ANKHD1: variants seen among roughly 807,000 people sequenced by gnomAD.
The protein encoded by ANKHD1 is ankyrin repeat and KH domain-containing protein 1.
In ANKHD1, 31 loss-of-function variants were observed where a neutral mutation model predicts 230.5. The ratio of observed to expected loss-of-function variants is 0.13; its 90% confidence interval spans 0.10 to 0.18. The LOEUF is 0.18. ANKHD1 is among the 10% of genes least tolerant of loss of function. The pLI is 1.00. For missense variants in ANKHD1, 2,256 were observed against 3,071.3 expected, an observed-to-expected ratio of 0.73 and a Z score of 6.27; for synonymous variants, 1,074 against 1,117.6, an observed-to-expected ratio of 0.96 and a Z score of 0.78.
chr5:140,502,690 T>C (rs1752358354), intron 15 of ANKHD1, among the ~76,000 whole-genome samples: 1 of 152,142 alleles, frequency 6.6e-6, no homozygotes, highest in Non-Finnish European at 1.5e-5. Flanking sequence ...TTTCCAAACA[T>C]ATCAGCTATT....
At chr5:140,476,882 A>G (rs1327752647) in intron 10 of ANKHD1, among the ~76,000 whole-genome samples, 3 of 152,174 alleles carry the variant, frequency 2.0e-5, no homozygotes, top group African/African-American at 7.2e-5. Context: ...AATCAGAAGG[A>G]TGTGTTAGAG....
intron 24 of ANKHD1, among the ~76,000 whole-genome samples, chr5:140,515,424 C>T (rs1040527564): frequency 6.6e-6 from 1 of 152,042 alleles, no homozygotes; most frequent in Non-Finnish European, 1.5e-5. Context: ...TATTAGATTC[C>T]CAATTAAAGA....
intron 5 of ANKHD1, among the ~76,000 whole-genome samples, chr5:140,445,123 G>A (rs1301673150): frequency 6.6e-6 from 1 of 151,376 alleles, no homozygotes; most frequent in African/African-American, 2.4e-5. Context: ...GCCTCCCAAA[G>A]TGCTGGGATT....
At chr5:140,434,099 T>G (rs544934791) in intron 1 of ANKHD1, among the ~76,000 whole-genome samples, 157 of 152,306 alleles carry the variant, frequency 1.0e-3, no homozygotes, top group Middle Eastern at 6.8e-3. Flanking sequence ...TAAAATAAGT[T>G]ATTTTAACTT....
At chr5:140,538,309 A>G (rs985519980) in intron 32 of ANKHD1, 48 bp downstream of exon 32, 23 of 1,601,410 alleles carry the variant, frequency 1.4e-5, no homozygotes, top group African/African-American at 5.4e-5. Context: ...TTGTCAGCCA[A>G]TGTAGTCACA....
intron 6 of ANKHD1, among the ~76,000 whole-genome samples, chr5:140,447,267 G>A (rs111269963): frequency 0.02 from 3,044 of 151,924 alleles, 108 homozygotes; most frequent in African/African-American, 0.07. Flanking sequence ...CAGTGGCACT[G>A]TCATAGCTCA....
rs577256829 is a variant in ANKHD1, at chr5:140,404,432, G to GT, written c.306+2167dup. The stretch of plus-strand genomic sequence containing the variant: ...CCTTTTTTTTTAATTTTAATTTTTT[G>GT]TTTTTTTTGTTTTTTTTGAGACTGT... On this transcript the variant is annotated intron_variant, in intron 1 of 33. Coordinates refer to ENST00000360839, the MANE Select transcript of ANKHD1 (RefSeq NM_017747.3). Among the ~76,000 whole-genome samples, 498 of 150,324 alleles carry GT rather than the reference G, an allele frequency of 3.3e-3. 2 individuals are homozygous for GT. The highest frequency in any genetic ancestry group is 0.011 in the African/African-American group (462 of 40,736).
At chr5:140,456,560 A>G (rs1775209473) in intron 7 of ANKHD1, among the ~76,000 whole-genome samples, 1 of 152,250 alleles carries the variant, frequency 6.6e-6, no homozygotes, top group South Asian at 2.1e-4. Context: ...AATACCATGC[A>G]TCTACAACCA....
At chr5:140,501,833 C>T (rs1015016594) in intron 15 of ANKHD1, among the ~76,000 whole-genome samples, 1 of 151,780 alleles carries the variant, frequency 6.6e-6, no homozygotes, top group African/African-American at 2.4e-5. Context: ...TTCCATATTG[C>T]CTACAAAACT....
At chr5:140,530,087 A>T (rs1753746481) in intron 29 of ANKHD1, among the ~76,000 whole-genome samples, 1 of 152,164 alleles carries the variant, frequency 6.6e-6, no homozygotes, top group Admixed American at 6.5e-5. Context: ...CATTTCTTAG[A>T]TTTAAAAAAT....
chr5:140,505,412 T>G (rs1175966043), intron 17 of ANKHD1, among the ~76,000 whole-genome samples, 179 bp downstream of exon 17: 1 of 152,256 alleles, frequency 6.6e-6, no homozygotes, highest in Non-Finnish European at 1.5e-5. Context: ...CATTCAAAAA[T>G]TAGACGTAGA....
intron 10 of ANKHD1, among the ~76,000 whole-genome samples, chr5:140,474,384 C>T (rs1010329232): frequency 3.3e-5 from 5 of 152,100 alleles, no homozygotes; most frequent in Non-Finnish European, 5.9e-5. Context: ...GAATGTCCTC[C>T]CTCCAACTCC....
chr5:140,535,314 A>G, intron 29 of ANKHD1, 48 bp from the exon 30 acceptor site: 6 of 1,512,074 alleles, frequency 4.0e-6, no homozygotes, highest in Non-Finnish European at 5.3e-6. Context: ...TGGGCTTTCA[A>G]TTTTAAAGTT....
At chr5:140,522,028 C>G (rs1167333532) in intron 24 of ANKHD1, among the ~76,000 whole-genome samples, 1 of 152,168 alleles carries the variant, frequency 6.6e-6, no homozygotes, top group Admixed American at 6.5e-5. Flanking sequence ...AGTATATTCA[C>G]AGAATTGTAC....
chr5:140,463,549 A>G (rs1318733300), intron 9 of ANKHD1, among the ~76,000 whole-genome samples: 2 of 152,174 alleles, frequency 1.3e-5, no homozygotes, highest in East Asian at 3.8e-4. Context: ...GCTGGGGAAT[A>G]TATATTTTTC....
chr5:140,521,209 A>T (rs1254358229), intron 24 of ANKHD1, among the ~76,000 whole-genome samples: 1 of 152,244 alleles, frequency 6.6e-6, no homozygotes, highest in South Asian at 2.1e-4. Flanking sequence ...AAATTTTGAC[A>T]GCAAATTTTG....
At chr5:140,471,590 G>A (rs1203208536) in intron 10 of ANKHD1, among the ~76,000 whole-genome samples, 2 of 152,190 alleles carry the variant, frequency 1.3e-5, no homozygotes, top group Non-Finnish European at 2.9e-5. Context: ...ATGACTTAGA[G>A]TGAAGCCTTC....
intron 1 of ANKHD1, among the ~76,000 whole-genome samples, chr5:140,422,088 T>C (rs1245328168): frequency 6.6e-6 from 1 of 152,110 alleles, no homozygotes; most frequent in Non-Finnish European, 1.5e-5. Flanking sequence ...AAGGTTAGAG[T>C]CCTTGGTAGT....
intron 14 of ANKHD1, among the ~76,000 whole-genome samples, chr5:140,493,592 G>A (rs1751902587): frequency 6.6e-6 from 1 of 152,108 alleles, no homozygotes; most frequent in Non-Finnish European, 1.5e-5. Context: ...CTAATTAGGC[G>A]ACATTATCTG....
Sources: gnomAD v4.1 joint callset for allele counts (sites outside exome capture counted in the v4.1 genomes callset) on GRCh38, gnomAD v4.1.1 for gene constraint, MANE v1.5 for transcripts, NCBI Gene and HGNC (gene_info 2026-07-23, HGNC 2026-07-21) for gene names.